The following EYS variants were observed in gnomAD, a reference collection of about 807,000 sequenced individuals.
EYS encodes EGF-like photoreceptor maintenance factor.
EYS carries 250 observed loss-of-function variants against 282.1 expected under a neutral mutation model. The ratio of observed to expected loss-of-function variants is 0.89; its 90% CI spans 0.80 to 0.98. The LOEUF (loss-of-function observed/expected upper bound fraction) is 0.98. Ranked by LOEUF, EYS falls within the 50% of genes least tolerant of loss-of-function variation. EYS has a pLI of 0.00. For missense variants in EYS, 4,016 were observed against 3,709.0 expected (o/e 1.08, Z -2.15); for synonymous variants, 1,355 against 1,282.9 (o/e 1.06, Z -1.20).
chr6:63,807,155 T>C (rs956498221), intron 36 of EYS, among the ~76,000 whole-genome samples: 1 of 152,194 alleles, frequency 6.6e-6, no homozygotes, highest in South Asian at 2.1e-4. Flanking sequence ...ACTGGTTTTT[T>C]AAATCTCCTT....
At chr6:65,117,077 C>G (rs530747221) in intron 12 of EYS, among the ~76,000 whole-genome samples, 1 of 152,286 alleles carries the variant, frequency 6.6e-6, no homozygotes, top group Non-Finnish European at 1.5e-5. Context: ...GAATCACTTT[C>G]AGGAAACATT....
chr6:64,356,852 G>A (rs1771841483), intron 29 of EYS, among the ~76,000 whole-genome samples: 2 of 151,540 alleles, frequency 1.3e-5, no homozygotes, highest in South Asian at 2.1e-4. Flanking sequence ...GTAACTACGG[G>A]TGCTATTGCC....
chr6:64,969,739 C>G (rs141491329), intron 14 of EYS, among the ~76,000 whole-genome samples: 2 of 152,112 alleles, frequency 1.3e-5, no homozygotes, highest in African/African-American at 4.8e-5. Context: ...ATATGATAAG[C>G]CTTCCAAGCA....
At chr6:65,515,796 TGGGGGGA>T (rs1215810113) in intron 2 of EYS, among the ~76,000 whole-genome samples, 1 of 58,570 alleles carries the variant, frequency 1.7e-5, no homozygotes, top group Non-Finnish European at 3.1e-5. Context: ...TGTTGTGGGG[TGGGGGGA>T]GGGGGGAGGG....
At chr6:64,454,022 A>T (rs1216470818) in intron 26 of EYS, among the ~76,000 whole-genome samples, 1 of 152,074 alleles carries the variant, frequency 6.6e-6, no homozygotes. Context: ...ATAAAAAAAA[A>T]ATTTGTTACC....
intron 22 of EYS, among the ~76,000 whole-genome samples, chr6:64,806,423 A>G (rs1366800758): frequency 6.6e-6 from 1 of 151,826 alleles, no homozygotes; most frequent in Admixed American, 6.6e-5. Flanking sequence ...AGTATGGATT[A>G]CTTATCTCAA....
chr6:65,237,811 A>G (rs1766964566), intron 12 of EYS, among the ~76,000 whole-genome samples: 1 of 152,210 alleles, frequency 6.6e-6, no homozygotes, highest in Non-Finnish European at 1.5e-5. Context: ...TAGTAATTAT[A>G]GATGGAATGA....
At chr6:65,505,252 C>A (rs1174234621) in intron 2 of EYS, among the ~76,000 whole-genome samples, 2 of 151,030 alleles carry the variant, frequency 1.3e-5, no homozygotes, top group African/African-American at 4.8e-5. Context: ...TAATGGCAAT[C>A]CCTGTTTGAT....
rs577431564 is a variant in EYS at position 64,345,520 on chromosome 6, C to T, written c.6079-38438G>A. Among the ~76,000 whole-genome samples the T allele has an allele frequency of 9.2e-3, 1,403 of 152,188 alleles. 19 individuals carry two copies. Among genetic ancestry groups the T allele is most frequent in the East Asian group, 0.049 (253 of 5,162 alleles). On this transcript the variant is annotated intron_variant, in intron 29 of 42. Coordinates refer to ENST00000503581, the MANE Select transcript of EYS (RefSeq NM_001142800.2). ...CATATGTAGAAAGCTGAAACTGGAT[C>T]CCTTCCTTACACCTTATACAAAAAT...
intron 31 of EYS, among the ~76,000 whole-genome samples, chr6:64,224,529 C>G (rs907559625): frequency 1.3e-5 from 2 of 152,102 alleles, no homozygotes; most frequent in South Asian, 2.1e-4. Context: ...AACTAGACAG[C>G]TCTCTTCTCC....
At chr6:64,344,973 C>T (rs1432535657) in intron 29 of EYS, among the ~76,000 whole-genome samples, 2 of 151,982 alleles carry the variant, frequency 1.3e-5, no homozygotes, top group South Asian at 2.1e-4. Flanking sequence ...AATAAAATAC[C>T]TAGGAATCCA....
Position 63,731,538 on chromosome 6 carries a change from T to C in EYS, c.8072-4858A>G, listed in dbSNP as rs142708879. ...ACCAATATTCTTGGTCTTTTACAAT[T>C]TACTTGTTTTGTCTTATTTAAAAAC... On this transcript the variant is annotated intron_variant, in intron 41 of 42. Coordinates refer to ENST00000503581, the MANE Select transcript of EYS (RefSeq NM_001142800.2). Among the ~76,000 whole-genome samples, 35 of 152,314 alleles carry C rather than the reference T, an allele frequency of 2.3e-4. 1 individual carries two copies. In the East Asian group the frequency reaches 6.6e-3, roughly 29 times the overall value.
At chr6:64,982,731 A>G (rs985280276) in intron 14 of EYS, among the ~76,000 whole-genome samples, 6 of 151,236 alleles carry the variant, frequency 4.0e-5, no homozygotes, top group African/African-American at 1.5e-4. Flanking sequence ...GTTATCTCCT[A>G]TTTGAGTTGA....
chr6:64,372,849 C>T (rs538009038), intron 29 of EYS, among the ~76,000 whole-genome samples: 1 of 152,210 alleles, frequency 6.6e-6, no homozygotes, highest in East Asian at 1.9e-4. Context: ...AAAGTTTGGT[C>T]AATTCTGCTG....
intron 6 of EYS, 114 bp downstream of exon 6, chr6:65,405,057 TGAG>T: frequency 1.4e-6 from 1 of 725,122 alleles, no homozygotes; most frequent in Non-Finnish European, 2.3e-6. Context: ...CTTGTTCGTC[TGAG>T]TTTAACAATT....
intron 19 of EYS, among the ~76,000 whole-genome samples, chr6:64,871,237 A>G (rs1362557783): frequency 6.6e-6 from 1 of 151,748 alleles, no homozygotes; most frequent in Non-Finnish European, 1.5e-5. Context: ...ATAATATTCA[A>G]TGTTCCCATT....
intron 12 of EYS, among the ~76,000 whole-genome samples, chr6:65,168,235 G>T (rs1170552528): frequency 6.6e-6 from 1 of 150,986 alleles, no homozygotes; most frequent in Non-Finnish European, 1.5e-5. Context: ...TTTACATTTG[G>T]CAGGCCTGGA....
chr6:65,427,376 C>T (rs1003603136), intron 5 of EYS, among the ~76,000 whole-genome samples: 9 of 151,662 alleles, frequency 5.9e-5, no homozygotes, highest in Admixed American at 3.3e-4. Flanking sequence ...TGCATTTACA[C>T]GTTTAAATTT....
At chr6:65,341,546 T>C (rs1421283384) in intron 10 of EYS, among the ~76,000 whole-genome samples, 1 of 151,230 alleles carries the variant, frequency 6.6e-6, no homozygotes, top group African/African-American at 2.4e-5. Flanking sequence ...GTCCTGTATA[T>C]CTAATAGAGA....
Sources: gnomAD v4.1 joint callset for allele counts (sites outside exome capture counted in the v4.1 genomes callset) on GRCh38, gnomAD v4.1.1 for gene constraint, MANE v1.5 for transcripts, NCBI Gene and HGNC (gene_info 2026-07-23, HGNC 2026-07-21) for gene names.